The following DLG2 variants were observed in gnomAD, a reference collection of about 807,000 sequenced individuals.
DLG2 encodes disks large homolog 2.
In DLG2, 45 loss-of-function variants were observed where a neutral mutation model predicts 132.5. The observed-to-expected ratio is 0.34, with a 90% CI of 0.27 to 0.44. DLG2 has a LOEUF of 0.44. Ranked by LOEUF, DLG2 falls within the 20% of genes least tolerant of loss-of-function variation. The probability of loss-of-function intolerance (pLI) is 1.00; values close to 1 mark genes in which losing one functional copy is unlikely to be tolerated. For synonymous variants in DLG2, 424 were observed against 419.6 expected (o/e 1.01, Z -0.13); for missense variants, 1,045 against 1,196.9 (o/e 0.87, Z 1.87).
chr11:85,394,625 T>C (rs1345992054), intron 3 of DLG2, among the ~76,000 whole-genome samples: 1 of 152,210 alleles, frequency 6.6e-6, no homozygotes, highest in Non-Finnish European at 1.5e-5. Flanking sequence ...TCAGTAAGTA[T>C]TTTATTAACT....
At chr11:84,169,534 G>T (rs1364622673) in intron 8 of DLG2, among the ~76,000 whole-genome samples, 1 of 152,072 alleles carries the variant, frequency 6.6e-6, no homozygotes, top group African/African-American at 2.4e-5. Flanking sequence ...TTGTGTATAG[G>T]AATTACCTTA....
chr11:84,604,514 T>C (rs2099582096), intron 6 of DLG2, among the ~76,000 whole-genome samples: 2 of 152,018 alleles, frequency 1.3e-5, no homozygotes, highest in Non-Finnish European at 1.5e-5. Context: ...GGCATTCATT[T>C]CATCTTCCTG....
chr11:84,166,065 G>A (rs1284734457), intron 8 of DLG2, among the ~76,000 whole-genome samples: 1 of 152,160 alleles, frequency 6.6e-6, no homozygotes, highest in Non-Finnish European at 1.5e-5. Context: ...GCCAGTGAGA[G>A]AGTTCAGAAA....
At chr11:85,204,782 T>G (rs923350595) in intron 4 of DLG2, among the ~76,000 whole-genome samples, 2 of 152,010 alleles carry the variant, frequency 1.3e-5, no homozygotes, top group African/African-American at 4.8e-5. Context: ...CTTCAAACTG[T>G]ACTACAAAGC....
chr11:83,849,622 C>T (rs192803052), intron 16 of DLG2, among the ~76,000 whole-genome samples: 8 of 152,110 alleles, frequency 5.3e-5, no homozygotes, highest in Middle Eastern at 3.4e-3. Flanking sequence ...GGAGATCACA[C>T]TTTAATTACA....
chr11:84,557,076 G>T (rs974654355), intron 6 of DLG2, among the ~76,000 whole-genome samples: 14 of 152,086 alleles, frequency 9.2e-5, no homozygotes, highest in Admixed American at 5.2e-4. Context: ...TTACTACATA[G>T]ACAGGTAATT....
chr11:85,392,710 T>C (rs143390382), intron 3 of DLG2, among the ~76,000 whole-genome samples: 64 of 152,036 alleles, frequency 4.2e-4, no homozygotes, highest in African/African-American at 1.5e-3. Context: ...GACAAAATCA[T>C]AAAGTGGGAA....
intron 6 of DLG2, among the ~76,000 whole-genome samples, chr11:85,065,786 A>C (rs1301488715): frequency 6.6e-6 from 1 of 151,182 alleles, no homozygotes; most frequent in Non-Finnish European, 1.5e-5. Flanking sequence ...TAGAGATAAA[A>C]TATACCCAAA....
chr11:84,942,726 T>C (rs1343868206), intron 6 of DLG2, among the ~76,000 whole-genome samples: 1 of 152,102 alleles, frequency 6.6e-6, no homozygotes, highest in East Asian at 1.9e-4. Context: ...TCTGTAAACG[T>C]GTATTAGGTC....
chr11:83,849,709 C>A (rs978268993), intron 16 of DLG2, among the ~76,000 whole-genome samples: 1 of 149,478 alleles, frequency 6.7e-6, no homozygotes, highest in Admixed American at 6.6e-5. Context: ...AGGGCAGATG[C>A]AGGTTTTATG....
rs1441053750 is a variant in DLG2 at position 83,532,702 on chromosome 11, A to G, written c.2193+6T>C. 6.2e-7 allele frequency: 1 copy of G among 1,612,456 alleles called. No homozygotes were observed. The highest frequency in any genetic ancestry group is 1.1e-5 in the South Asian group (1 of 90,978). Reference sequence around the variant, plus strand: ...GAACTTGATGTTTCCATCATTTTGTACCTACCCCTTTCGAATCAATCACTC... The same window carrying G: ...GAACTTGATGTTTCCATCATTTTGTGCCTACCCCTTTCGAATCAATCACTC... On this transcript the variant is annotated splice_donor_region_variant and intron_variant, in intron 21 of 27. Coordinates refer to ENST00000376104, the MANE Select transcript of DLG2 (RefSeq NM_001142699.3).
intron 3 of DLG2, among the ~76,000 whole-genome samples, chr11:85,494,042 G>T (rs568546361): frequency 6.6e-6 from 1 of 152,074 alleles, no homozygotes; most frequent in South Asian, 2.1e-4. Flanking sequence ...AGAGAAAGAA[G>T]GGTAACAGAG....
At chr11:83,957,739 G>A (rs1361594545) in intron 14 of DLG2, among the ~76,000 whole-genome samples, 3 of 151,772 alleles carry the variant, frequency 2.0e-5, no homozygotes, top group African/African-American at 7.3e-5. Flanking sequence ...TCTCTTTCTG[G>A]CCAAACTGGA....
chr11:84,489,924 GA>G (rs1428767948), intron 7 of DLG2, among the ~76,000 whole-genome samples: 18 of 151,926 alleles, frequency 1.2e-4, no homozygotes, highest in African/African-American at 4.4e-4. Flanking sequence ...GGAGAAAAAA[GA>G]GGCAGAAAAA....
chr11:83,859,745 G>A (rs1199858291), intron 16 of DLG2, among the ~76,000 whole-genome samples: 2 of 152,176 alleles, frequency 1.3e-5, no homozygotes, highest in African/African-American at 2.4e-5. Flanking sequence ...TGTGGAAAAT[G>A]TCTCCAGGGC....
intron 6 of DLG2, among the ~76,000 whole-genome samples, chr11:85,046,603 A>G (rs2062373398): frequency 6.6e-6 from 1 of 151,872 alleles, no homozygotes. Flanking sequence ...AAATGGGGAT[A>G]ATATTTCAGA....
Position 83,898,933 on chromosome 11 carries a change from C to A in DLG2, c.1497-24445G>T, listed in dbSNP as rs576989411. 4.6e-5 allele frequency among the ~76,000 whole-genome samples: 7 copies of A among 152,280 alleles called. 1 individual carries two copies. The highest frequency in any genetic ancestry group is 4.6e-4 in the Admixed American group (7 of 15,292). On this transcript the variant is annotated intron_variant, in intron 15 of 27. Transcript: ENST00000376104. ...TAATATTGTCCACATTTTATTTTAA[C>A]AACCCTACCAAGTATCATAAATATA...
intron 7 of DLG2, among the ~76,000 whole-genome samples, chr11:84,265,944 C>T (rs1171495423): frequency 6.6e-6 from 1 of 152,024 alleles, no homozygotes; most frequent in Non-Finnish European, 1.5e-5. Flanking sequence ...AGAGGACTGC[C>T]ATTATTAACT....
chr11:84,808,098 T>G (rs994852178), intron 6 of DLG2, among the ~76,000 whole-genome samples: 1 of 152,072 alleles, frequency 6.6e-6, no homozygotes, highest in Non-Finnish European at 1.5e-5. Flanking sequence ...AGAGCCACAA[T>G]GCAAATCTCA....
Sources: gnomAD v4.1 joint callset for allele counts (sites outside exome capture counted in the v4.1 genomes callset) on GRCh38, gnomAD v4.1.1 for gene constraint, MANE v1.5 for transcripts, NCBI Gene and HGNC (gene_info 2026-07-23, HGNC 2026-07-21) for gene names.